Variants in AFG2A observed in about 807,000 individuals in gnomAD.
AFG2A encodes the protein AAA ATPase AFG2A.
At chr4:123,137,324 T>C in the AFG2A span, among the ~76,000 whole-genome samples, 4 of 152,238 alleles carry the variant, frequency 2.6e-5, no homozygotes, top group Admixed American at 1.3e-4. Flanking sequence ...TTTTGGTTCC[T>C]GAGAGAGAAA....
the AFG2A span, among the ~76,000 whole-genome samples, chr4:123,206,398 C>T: frequency 4.6e-5 from 7 of 152,072 alleles, no homozygotes; most frequent in Admixed American, 3.3e-4. Flanking sequence ...ATTTTTATTT[C>T]CTGGTTTATT....
At chr4:123,281,153 T>C in the AFG2A span, among the ~76,000 whole-genome samples, 1 of 152,110 alleles carries the variant, frequency 6.6e-6, no homozygotes, top group Non-Finnish European at 1.5e-5. Flanking sequence ...TGCAAGAATA[T>C]ATGTGGGCAA....
At chr4:122,987,447 A>C in the AFG2A span, among the ~76,000 whole-genome samples, 1 of 152,006 alleles carries the variant, frequency 6.6e-6, no homozygotes, top group Non-Finnish European at 1.5e-5. Context: ...GTAAGGGCTT[A>C]CTAGAGCTAT....
the AFG2A span, among the ~76,000 whole-genome samples, chr4:123,224,108 A>G: frequency 1.3e-5 from 2 of 152,160 alleles, no homozygotes; most frequent in Non-Finnish European, 2.9e-5. Context: ...GATGTAAGAT[A>G]AGGGTCCAAT....
chr4:123,061,693 C>G, the AFG2A span, among the ~76,000 whole-genome samples: 1 of 152,192 alleles, frequency 6.6e-6, no homozygotes, highest in African/African-American at 2.4e-5. Flanking sequence ...TGCTTTCCAC[C>G]CCCCTCACAT....
chr4:123,245,992 A>C, the AFG2A span, among the ~76,000 whole-genome samples: 1 of 152,210 alleles, frequency 6.6e-6, no homozygotes, highest in African/African-American at 2.4e-5. Flanking sequence ...TTTATGGGGA[A>C]GTGATTATCT....
the AFG2A span, among the ~76,000 whole-genome samples, chr4:123,228,881 G>C: frequency 1.3e-5 from 2 of 151,840 alleles, no homozygotes; most frequent in Non-Finnish European, 2.9e-5. Context: ...TATTTGTTGT[G>C]GTACGAATGT....
the AFG2A span, among the ~76,000 whole-genome samples, chr4:123,210,563 A>G: frequency 2.6e-5 from 4 of 151,912 alleles, no homozygotes; most frequent in African/African-American, 9.7e-5. Context: ...TTTGTTGCAC[A>G]TTTTCTTTAT....
chr4:122,952,368 C>T, the AFG2A span, among the ~76,000 whole-genome samples: 6 of 152,258 alleles, frequency 3.9e-5, no homozygotes, highest in East Asian at 1.2e-3. Flanking sequence ...AAGGCCTCAT[C>T]CTTCTTCGTG....
the AFG2A span, chr4:123,090,498 C>T: frequency 5.3e-6 from 8 of 1,506,008 alleles, no homozygotes; most frequent in Non-Finnish European, 7.2e-6. Context: ...TTGTTATAGA[C>T]TATAGAACCT....
At chr4:123,241,577 C>CA in the AFG2A span, among the ~76,000 whole-genome samples, 1 of 152,160 alleles carries the variant, frequency 6.6e-6, no homozygotes, top group Non-Finnish European at 1.5e-5. Flanking sequence ...CGAAAAAATT[C>CA]AACAGCCGTT....
the AFG2A span, chr4:122,934,084 T>C: frequency 1.1e-5 from 18 of 1,569,656 alleles, no homozygotes; most frequent in Non-Finnish European, 1.6e-5. Flanking sequence ...ATATTTAATA[T>C]ACTGTTTTCT....
the AFG2A span, among the ~76,000 whole-genome samples, chr4:123,203,246 G>A: frequency 6.6e-6 from 1 of 151,918 alleles, no homozygotes; most frequent in Non-Finnish European, 1.5e-5. Context: ...CCGCTCCCAG[G>A]TTCAAGTGAT....
chr4:123,313,451 G>A, the AFG2A span, among the ~76,000 whole-genome samples: 1 of 152,198 alleles, frequency 6.6e-6, no homozygotes, highest in South Asian at 2.1e-4. Context: ...GTGTGTTGAT[G>A]AGCAAGGCCT....
chr4:123,092,653 G>A, the AFG2A span, among the ~76,000 whole-genome samples: 1 of 152,156 alleles, frequency 6.6e-6, no homozygotes, highest in Non-Finnish European at 1.5e-5. Flanking sequence ...GTCTGCTCAG[G>A]ATTTAAACTA....
the AFG2A span, among the ~76,000 whole-genome samples, chr4:123,236,103 G>A: frequency 5.1e-4 from 78 of 152,128 alleles, no homozygotes; most frequent in Non-Finnish European, 8.7e-4. Context: ...TGTATTTTTG[G>A]GGGGAATCTG....
At chr4:123,028,085 T>G in the AFG2A span, 1 of 967,492 alleles carries the variant, frequency 1.0e-6, no homozygotes, top group Non-Finnish European at 1.6e-6. Context: ...ATGGTTCTAT[T>G]CTTTTTTGCA....
the AFG2A span, among the ~76,000 whole-genome samples, chr4:123,170,368 A>AT: frequency 2.6e-5 from 4 of 152,112 alleles, no homozygotes; most frequent in Non-Finnish European, 5.9e-5. Flanking sequence ...CAGTGTCTTT[A>AT]TTTTTCTATA....
At chr4:122,949,571 C>T in the AFG2A span, among the ~76,000 whole-genome samples, 3 of 152,222 alleles carry the variant, frequency 2.0e-5, no homozygotes, top group South Asian at 2.1e-4. Context: ...AAGAGGTTTG[C>T]GGCACACCAT....
Sources: gnomAD v4.1 joint callset for allele counts (sites outside exome capture counted in the v4.1 genomes callset) on GRCh38, gnomAD v4.1.1 for gene constraint, MANE v1.5 for transcripts, NCBI Gene and HGNC (gene_info 2026-07-23, HGNC 2026-07-21) for gene names.